The following TNIK variants were observed in gnomAD, a reference collection of about 807,000 sequenced individuals.
TNIK encodes the protein TRAF2 and NCK interacting kinase, also known as TRAF2 and NCK-interacting protein kinase.
TNIK carries 49 observed loss-of-function variants against 191.3 expected under a neutral mutation model. The observed-to-expected ratio is 0.26, with a 90% CI of 0.20 to 0.32. The LOEUF (loss-of-function observed/expected upper bound fraction) is 0.32. Ranked by LOEUF, TNIK falls within the 10% of genes least tolerant of loss-of-function variation. The pLI, the probability that TNIK is intolerant of heterozygous loss-of-function variation, is 1.00. For missense variants in TNIK, 1,155 were observed against 1,702.3 expected, an observed-to-expected ratio of 0.68 and a Z score of 5.66; for synonymous variants, 594 against 600.9, an observed-to-expected ratio of 0.99 and a Z score of 0.17.
Position 171,162,450 on chromosome 3 carries a change from GTATATC to G in TNIK, c.950-1120_950-1115del, listed in dbSNP as rs138415991. 6.6e-3 allele frequency among the ~76,000 whole-genome samples: 1,008 copies of G among 152,254 alleles called. 7 individuals carry two copies. The highest frequency in any genetic ancestry group is 0.023 in the African/African-American group (949 of 41,516). On this transcript the variant is annotated intron_variant, in intron 10 of 32. Transcript: ENST00000436636. ...AATATATATTTAAAATTTAAAAAAT[GTATATC>G]TATATTTAAAATGTGTTTTGATTGA...
intron 2 of TNIK, among the ~76,000 whole-genome samples, chr3:171,342,503 CAAAAAACA>C (rs1389234558): frequency 1.3e-5 from 2 of 151,182 alleles, no homozygotes; most frequent in African/African-American, 2.4e-5. Context: ...GGATTCCTTT[CAAAAAACA>C]AAAAAACAAA....
At chr3:171,087,726 A>C (rs1001369965) in intron 23 of TNIK, among the ~76,000 whole-genome samples, 1 of 152,242 alleles carries the variant, frequency 6.6e-6, no homozygotes, top group African/African-American at 2.4e-5. Context: ...ACGTTCCTGC[A>C]TGAGGTACAG....
intron 4 of TNIK, among the ~76,000 whole-genome samples, chr3:171,207,934 A>G (rs1740302609): frequency 6.6e-6 from 1 of 152,190 alleles, no homozygotes. Context: ...AAAAGACACA[A>G]TCCTTGCCCT....
chr3:171,373,618 A>AG (rs1716828003), intron 1 of TNIK, among the ~76,000 whole-genome samples: 1 of 152,226 alleles, frequency 6.6e-6, no homozygotes. Context: ...GATTTAAAAT[A>AG]ATACAAGATA....
intron 1 of TNIK, among the ~76,000 whole-genome samples, chr3:171,453,805 T>C (rs972112981): frequency 1.3e-5 from 2 of 152,138 alleles, no homozygotes; most frequent in Middle Eastern, 3.4e-3. Context: ...GTTGGGGTGA[T>C]ATAAAATGTG....
intron 2 of TNIK, among the ~76,000 whole-genome samples, chr3:171,236,401 G>C (rs1225520384): frequency 6.6e-6 from 1 of 152,200 alleles, no homozygotes; most frequent in African/African-American, 2.4e-5. Flanking sequence ...ACAAGGTTCT[G>C]TTTTTGTTTT....
rs1223294655 is a variant in TNIK at position 171,110,793 on chromosome 3, G to C, written c.2205C>G (p.Thr735=). 1.1e-5 allele frequency: 17 copies of C among 1,604,388 alleles called. No individual in the cohort carries two copies. The highest frequency in any genetic ancestry group is 1.4e-5 in the Non-Finnish European group (17 of 1,175,894). ...CTTGGGAGCTGGGCTGGGAGCTAGG[G>C]GTGCTGGAGCTGGAGGAACTGCCAC... ...TSSGSSSSSS[T]PSSQPSSQGG... is the part of the protein sequence containing the mutation. Residue 735 remains threonine, a synonymous_variant, in exon 19 of 33, where the codon ACC becomes ACG. Transcript: ENST00000436636.
At chr3:171,401,628 G>T (rs1327100244) in intron 1 of TNIK, among the ~76,000 whole-genome samples, 5 of 152,030 alleles carry the variant, frequency 3.3e-5, no homozygotes, top group African/African-American at 4.8e-5. Context: ...AGGAGGAGGG[G>T]CAACACTTTA....
intron 1 of TNIK, among the ~76,000 whole-genome samples, chr3:171,435,097 G>C (rs1157961280): frequency 6.6e-6 from 1 of 152,184 alleles, no homozygotes; most frequent in Non-Finnish European, 1.5e-5. Context: ...CCTCATGGTT[G>C]TCAGATGGCT....
At chr3:171,342,191 TG>T (rs1757603712) in intron 2 of TNIK, among the ~76,000 whole-genome samples, 1 of 152,250 alleles carries the variant, frequency 6.6e-6, no homozygotes, top group Admixed American at 6.5e-5. Flanking sequence ...CTGGAGGGTT[TG>T]TTACCCACAA....
chr3:171,436,301 G>A (rs963330157), intron 1 of TNIK, among the ~76,000 whole-genome samples: 2 of 152,066 alleles, frequency 1.3e-5, no homozygotes, highest in Non-Finnish European at 2.9e-5. Context: ...CCAGTTGCTT[G>A]CACTGCACCA....
At chr3:171,243,547 G>A (rs1745234115) in intron 2 of TNIK, among the ~76,000 whole-genome samples, 1 of 152,012 alleles carries the variant, frequency 6.6e-6, no homozygotes, top group Admixed American at 6.6e-5. Context: ...CCTGTTGGTA[G>A]CCCTGTTAAT....
intron 30 of TNIK, among the ~76,000 whole-genome samples, chr3:171,066,988 A>C (rs1718522791): frequency 6.6e-6 from 1 of 152,154 alleles, no homozygotes; most frequent in Non-Finnish European, 1.5e-5. Flanking sequence ...TGTGCCAGTC[A>C]TGGGGCCCTT....
At chr3:171,145,779 C>CTTTT (rs397875512) in intron 12 of TNIK, among the ~76,000 whole-genome samples, 2 of 133,402 alleles carry the variant, frequency 1.5e-5, no homozygotes, top group Non-Finnish European at 3.3e-5. Flanking sequence ...TCAGTCTTTC[C>CTTTT]TTTTTTTTTT....
chr3:171,064,127 A>G, intron 32 of TNIK, 163 bp from the exon 33 acceptor site: 1 of 617,116 alleles, frequency 1.6e-6, no homozygotes, highest in Non-Finnish European at 2.8e-6. Context: ...CGTGCATCCT[A>G]TGTAAAAACT....
chr3:171,066,561 GA>G lies in TNIK; in HGVS notation c.3859+14del. 2 of 1,613,114 alleles carry G rather than the reference GA, an allele frequency of 1.2e-6. No homozygotes were observed. Among genetic ancestry groups the G allele is most frequent in the Non-Finnish European group, 8.5e-7 (1 of 1,179,774 alleles). ...GGGTGTAACTGCTGAAGGAGATAAGGAATGGTTAACCTACCCACAGACGTGG... is the reference window on the plus strand; with the variant it reads ...GGGTGTAACTGCTGAAGGAGATAAGGATGGTTAACCTACCCACAGACGTGG... On this transcript the variant is annotated intron_variant, in intron 31 of 32. Transcript: ENST00000436636.
intron 17 of TNIK, among the ~76,000 whole-genome samples, chr3:171,124,645 TCAGTA>T (rs1223275262): frequency 1.3e-5 from 2 of 152,190 alleles, no homozygotes; most frequent in Non-Finnish European, 2.9e-5. Flanking sequence ...TAAAGATGAG[TCAGTA>T]AAGTAAAGCA....
At chr3:171,065,823 A>T (rs905691547) in intron 32 of TNIK, among the ~76,000 whole-genome samples, 1 of 152,214 alleles carries the variant, frequency 6.6e-6, no homozygotes, top group African/African-American at 2.4e-5. Flanking sequence ...CTTGAAAGTG[A>T]CTTTGTGAAA....
At chr3:171,143,563 T>C (rs913124764) in intron 12 of TNIK, among the ~76,000 whole-genome samples, 4 of 152,244 alleles carry the variant, frequency 2.6e-5, no homozygotes, top group African/African-American at 9.6e-5. Flanking sequence ...AATTTCTTTG[T>C]AGAATTTTTC....
Sources: gnomAD v4.1 joint callset for allele counts (sites outside exome capture counted in the v4.1 genomes callset) on GRCh38, gnomAD v4.1.1 for gene constraint, MANE v1.5 for transcripts, NCBI Gene and HGNC (gene_info 2026-07-23, HGNC 2026-07-21) for gene names.